ESRRG: variants seen among roughly 807,000 people sequenced by gnomAD.
ESRRG encodes estrogen-related receptor gamma.
A neutral mutation model predicts 44.0 loss-of-function variants in ESRRG; 13 were observed. The ratio of observed to expected loss-of-function variants is 0.30; its 90% CI spans 0.19 to 0.47. The LOEUF (loss-of-function observed/expected upper bound fraction) is 0.47, where lower values mean the gene tolerates loss of function less well. Ranked by LOEUF, ESRRG falls within the 20% of genes least tolerant of loss-of-function variation. ESRRG has a pLI of 1.00. For synonymous variants in ESRRG, 215 were observed against 214.6 expected, an observed-to-expected ratio of 1.00 and a Z score of -0.02; for missense variants, 395 against 580.6, an observed-to-expected ratio of 0.68 and a Z score of 3.29.
chr1:217,043,232 C>T (rs1160969353), intron 1 of ESRRG, among the ~76,000 whole-genome samples: 7 of 152,116 alleles, frequency 4.6e-5, no homozygotes, highest in African/African-American at 7.2e-5. Context: ...ACATTCCAAT[C>T]CTAGACCCAG....
intron 2 of ESRRG, among the ~76,000 whole-genome samples, chr1:216,871,798 C>T (rs2096263384): frequency 6.6e-6 from 1 of 152,018 alleles, no homozygotes; most frequent in Non-Finnish European, 1.5e-5. Context: ...AAAACTCTAT[C>T]ATTCAATGTT....
intron 2 of ESRRG, among the ~76,000 whole-genome samples, chr1:216,866,600 C>G (rs1310182580): frequency 6.7e-6 from 1 of 149,736 alleles, no homozygotes; most frequent in Non-Finnish European, 1.5e-5. Context: ...GAGATAGGGT[C>G]TTACTCCATC....
chr1:217,016,113 G>A (rs1007027263), intron 1 of ESRRG, among the ~76,000 whole-genome samples: 2 of 152,064 alleles, frequency 1.3e-5, no homozygotes, highest in African/African-American at 2.4e-5. Context: ...CAAAATAAAA[G>A]AGGTTAGGAA....
At chr1:216,577,420 T>C (rs2061883857) in intron 3 of ESRRG, among the ~76,000 whole-genome samples, 1 of 151,994 alleles carries the variant, frequency 6.6e-6, no homozygotes, top group South Asian at 2.1e-4. Flanking sequence ...ATGAATAAAG[T>C]TATGAATTCA....
At chr1:216,974,027 C>T (rs1279151215) in intron 1 of ESRRG, among the ~76,000 whole-genome samples, 1 of 152,112 alleles carries the variant, frequency 6.6e-6, no homozygotes, top group Non-Finnish European at 1.5e-5. Context: ...AACTCAGTCA[C>T]AAACCCCGGT....
intron 1 of ESRRG, among the ~76,000 whole-genome samples, chr1:216,678,069 T>C (rs2076413725): frequency 6.6e-6 from 1 of 152,376 alleles, no homozygotes; most frequent in Middle Eastern, 3.4e-3. Context: ...TAAGCATAAC[T>C]GTGTCTTATT....
intron 3 of ESRRG, among the ~76,000 whole-genome samples, chr1:216,605,706 T>C (rs2059842643): frequency 6.6e-6 from 1 of 152,060 alleles, no homozygotes; most frequent in South Asian, 2.1e-4. Context: ...AGATCTGCCA[T>C]CTAGTTCATT....
intron 2 of ESRRG, among the ~76,000 whole-genome samples, chr1:216,894,491 G>T (rs1288725554): frequency 6.6e-6 from 1 of 152,046 alleles, no homozygotes; most frequent in African/African-American, 2.4e-5. Context: ...AAATGCTTGG[G>T]TAGAGTAGCT....
intron 5 of ESRRG, among the ~76,000 whole-genome samples, chr1:216,535,103 G>A (rs1241213310): frequency 1.3e-5 from 2 of 152,122 alleles, no homozygotes; most frequent in African/African-American, 4.8e-5. Flanking sequence ...GCAAAAGAAT[G>A]TAATATTGGT....
At chr1:217,132,750 C>T (rs965463197) in intron 1 of ESRRG, among the ~76,000 whole-genome samples, 5 of 152,078 alleles carry the variant, frequency 3.3e-5, no homozygotes, top group African/African-American at 9.7e-5. Flanking sequence ...TGCATGGTTA[C>T]CCCGTCCTTG....
chr1:217,007,843 G>T (rs1579402283), intron 1 of ESRRG, among the ~76,000 whole-genome samples: 1 of 151,108 alleles, frequency 6.6e-6, no homozygotes, highest in Non-Finnish European at 1.5e-5. Context: ...GCAAATAAGG[G>T]GGGAAAAATC....
chr1:217,100,206 C>T (rs2092489385), intron 1 of ESRRG, among the ~76,000 whole-genome samples: 1 of 152,154 alleles, frequency 6.6e-6, no homozygotes, highest in Non-Finnish European at 1.5e-5. Context: ...ATACAGAAAA[C>T]CAGTATCATT....
chr1:217,026,141 C>A (rs1459677635), intron 1 of ESRRG, among the ~76,000 whole-genome samples: 2 of 152,162 alleles, frequency 1.3e-5, no homozygotes, highest in Non-Finnish European at 2.9e-5. Flanking sequence ...ACACAACTTT[C>A]TGCAACTCGT....
At chr1:216,590,356 T>C (rs541618117) in intron 3 of ESRRG, among the ~76,000 whole-genome samples, 1 of 152,238 alleles carries the variant, frequency 6.6e-6, no homozygotes, top group East Asian at 1.9e-4. Context: ...GAAAAAAAAC[T>C]CATGAGATAC....
chr1:216,631,997 T>G (rs1168850843), intron 3 of ESRRG, among the ~76,000 whole-genome samples: 1 of 151,958 alleles, frequency 6.6e-6, no homozygotes, highest in African/African-American at 2.4e-5. Flanking sequence ...ATACAGGAGG[T>G]CCCGAAGGCT....
chr1:216,817,630 T>C (rs1201802646), intron 2 of ESRRG, among the ~76,000 whole-genome samples: 3 of 152,224 alleles, frequency 2.0e-5, no homozygotes, highest in Admixed American at 6.5e-5. Flanking sequence ...ATTCCATTTT[T>C]TAATTTCATG....
chr1:217,015,457 C>T (rs1579514827), intron 1 of ESRRG, among the ~76,000 whole-genome samples: 1 of 152,246 alleles, frequency 6.6e-6, no homozygotes, highest in East Asian at 1.9e-4. Context: ...AAACTTGGCT[C>T]AAACTAGTAT....
chr1:216,918,366 G>C (rs1015885412), intron 2 of ESRRG, among the ~76,000 whole-genome samples: 1 of 152,108 alleles, frequency 6.6e-6, no homozygotes, highest in Non-Finnish European at 1.5e-5. Flanking sequence ...ACACCTTGCT[G>C]TCTCGGTCAT....
intron 2 of ESRRG, among the ~76,000 whole-genome samples, chr1:216,664,976 A>G (rs1017229537): frequency 1.3e-5 from 2 of 152,146 alleles, no homozygotes; most frequent in African/African-American, 4.8e-5. Context: ...AAGCAACATA[A>G]ATGTCAGCCA....
Sources: gnomAD v4.1 joint callset for allele counts (sites outside exome capture counted in the v4.1 genomes callset) on GRCh38, gnomAD v4.1.1 for gene constraint, MANE v1.5 for transcripts, NCBI Gene and HGNC (gene_info 2026-07-23, HGNC 2026-07-21) for gene names.